Variants in RTN1 observed in about 807,000 individuals in gnomAD.
RTN1 encodes the protein reticulon 1, also known as reticulon-1.
Under a neutral mutation model 65.5 loss-of-function variants are expected in RTN1, and 25 were observed. That is an observed-to-expected ratio of 0.38 (90% CI 0.28 to 0.53). The LOEUF is 0.53. RTN1 is among the 20% of genes least tolerant of loss of function. The pLI is 0.79. For missense variants in RTN1, 983 were observed against 1,025.4 expected (o/e 0.96, Z 0.57); for synonymous variants, 471 against 447.6 (o/e 1.05, Z -0.66).
intron 3 of RTN1, among the ~76,000 whole-genome samples, chr14:59,643,898 AAAAT>A (rs1882835355): frequency 1.3e-5 from 2 of 152,078 alleles, no homozygotes; most frequent in South Asian, 4.2e-4. Context: ...TCAAGAAAAA[AAAAT>A]AAAAACTTAC....
chr14:59,792,825 G>T (rs1345697525), intron 1 of RTN1, among the ~76,000 whole-genome samples: 1 of 152,108 alleles, frequency 6.6e-6, no homozygotes, highest in East Asian at 1.9e-4. Context: ...AGGAGTTCTA[G>T]TAAATATTTT....
Position 59,596,703 on chromosome 14 carries a change from C to T in RTN1, c.*42G>A, listed in dbSNP as rs1390178326. 2.0e-6 allele frequency: 3 copies of T among 1,472,002 alleles called. No homozygotes were observed. The highest frequency in any genetic ancestry group is 2.3e-5 in the South Asian group (2 of 88,088). 91.2% of individuals were successfully genotyped at this position (1,472,002 alleles called of 1,614,324 possible). ...AGTAAGAAGAGAGCTGTTACCACTC[C>T]AGACATTCCTGTTTGTGTCCAGTCC... On this transcript the variant is annotated 3_prime_UTR_variant, in exon 9 of 9. Coordinates refer to ENST00000267484, the MANE Select transcript of RTN1 (RefSeq NM_021136.3).
At chr14:59,752,420 A>G (rs553866327) in intron 1 of RTN1, among the ~76,000 whole-genome samples, 7 of 152,230 alleles carry the variant, frequency 4.6e-5, no homozygotes, top group African/African-American at 1.7e-4. Context: ...CTTGTAGCTT[A>G]ATCACCTCCC....
chr14:59,641,771 T>C (rs537626264), intron 3 of RTN1, among the ~76,000 whole-genome samples: 2 of 152,224 alleles, frequency 1.3e-5, no homozygotes, highest in Non-Finnish European at 2.9e-5. Flanking sequence ...TCTTGTACAA[T>C]ACAAGTTTCT....
In RTN1 at chr14:59,664,270, G is replaced by A. The variant is rs79718324; in HGVS notation, c.1766-56778C>T. On this transcript the variant is annotated intron_variant, in intron 3 of 8. Transcript: ENST00000267484. The stretch of plus-strand genomic sequence containing the variant: ...CTCATAAGTGGGAGTTGAACGATGA[G>A]AACACATGGACACAGGGAGGGGAAC... Among the ~76,000 whole-genome samples the A allele has an allele frequency of 2.8e-3, 429 of 152,180 alleles. 2 individuals are homozygous for A. Among genetic ancestry groups the A allele is most frequent in the African/African-American group, 9.2e-3 (383 of 41,522 alleles).
intron 1 of RTN1, among the ~76,000 whole-genome samples, chr14:59,837,271 AC>A (rs1442405801): frequency 2.6e-5 from 4 of 152,262 alleles, no homozygotes; most frequent in Admixed American, 6.5e-5. Flanking sequence ...TTTGAAAAAA[AC>A]ATGGGTTTCT....
chr14:59,823,427 G>A (rs934093046), intron 1 of RTN1, among the ~76,000 whole-genome samples: 1 of 151,914 alleles, frequency 6.6e-6, no homozygotes, highest in African/African-American at 2.4e-5. Flanking sequence ...TTTTTGTGGT[G>A]GTAGATATCA....
chr14:59,711,549 A>G (rs908769921), intron 3 of RTN1, among the ~76,000 whole-genome samples: 3 of 152,250 alleles, frequency 2.0e-5, no homozygotes, highest in African/African-American at 7.2e-5. Flanking sequence ...GACATAAAAT[A>G]AAATCCCACA....
At chr14:59,799,033 T>A (rs1011327493) in intron 1 of RTN1, among the ~76,000 whole-genome samples, 1 of 152,234 alleles carries the variant, frequency 6.6e-6, no homozygotes, top group Non-Finnish European at 1.5e-5. Flanking sequence ...AAAAGTGTAT[T>A]AATTCATTTC....
chr14:59,800,341 G>T (rs770682719), intron 1 of RTN1, among the ~76,000 whole-genome samples: 14 of 152,116 alleles, frequency 9.2e-5, no homozygotes, highest in Admixed American at 2.6e-4. Context: ...ATTATTTTTT[G>T]ATGTTTGGCA....
At chr14:59,866,395 G>A (rs1238324609) in intron 1 of RTN1, among the ~76,000 whole-genome samples, 1 of 152,112 alleles carries the variant, frequency 6.6e-6, no homozygotes, top group Non-Finnish European at 1.5e-5. Flanking sequence ...CTCAGAATCA[G>A]AAGTAAAAAA....
chr14:59,698,623 T>C (rs1197385592), intron 3 of RTN1, among the ~76,000 whole-genome samples: 2 of 152,186 alleles, frequency 1.3e-5, no homozygotes, highest in Non-Finnish European at 2.9e-5. Context: ...CTGCCATCCA[T>C]GTAAGACGTG....
Position 59,803,235 on chromosome 14 carries a change from C to T in RTN1, c.242-56754G>A, listed in dbSNP as rs894506478. Among the ~76,000 whole-genome samples the T allele has an allele frequency of 2.0e-5, 3 of 152,164 alleles. No individual in the cohort carries two copies. In the East Asian group the frequency reaches 5.8e-4, roughly 29 times the overall value. Reference sequence around the variant, plus strand: ...AGACAGGGAGAGTTGGTTCCGTACACAACACCGAGCTGCGTATGACTTGCC... The same window carrying T: ...AGACAGGGAGAGTTGGTTCCGTACATAACACCGAGCTGCGTATGACTTGCC... On this transcript the variant is annotated intron_variant, in intron 1 of 8. Transcript: ENST00000267484. This position sits in a 1 kb window ranked among gnomAD's most constrained non-coding sequence, Gnocchi z 5.6.
intron 1 of RTN1, among the ~76,000 whole-genome samples, chr14:59,754,477 T>G (rs1476797525): frequency 1.3e-5 from 2 of 152,156 alleles, no homozygotes; most frequent in Non-Finnish European, 2.9e-5. Context: ...GATCCATAGC[T>G]TAGGCAGTTT....
At chr14:59,629,279 G>A (rs1190613408) in intron 3 of RTN1, among the ~76,000 whole-genome samples, 1 of 152,172 alleles carries the variant, frequency 6.6e-6, no homozygotes, top group Non-Finnish European at 1.5e-5. Flanking sequence ...CAACAAACAA[G>A]AGGCAAGGTA....
chr14:59,857,388 T>C (rs996248145), intron 1 of RTN1, among the ~76,000 whole-genome samples: 15 of 152,224 alleles, frequency 9.9e-5, no homozygotes, highest in African/African-American at 3.6e-4. Context: ...GGCTTGTCAT[T>C]ATTTCAAGCC....
chr14:59,845,046 C>A (rs947103514), intron 1 of RTN1, among the ~76,000 whole-genome samples: 3 of 152,150 alleles, frequency 2.0e-5, no homozygotes, highest in Admixed American at 2.0e-4. Flanking sequence ...AAAGTAAAAT[C>A]TATAACCAAA....
intron 1 of RTN1, among the ~76,000 whole-genome samples, chr14:59,852,932 CT>C (rs1324107176): frequency 2.6e-5 from 4 of 152,166 alleles, no homozygotes; most frequent in African/African-American, 4.8e-5. Context: ...ATCTATCCAA[CT>C]TCATACTTTG....
intron 3 of RTN1, among the ~76,000 whole-genome samples, chr14:59,651,046 A>G (rs998712674): frequency 6.6e-6 from 1 of 152,112 alleles, no homozygotes; most frequent in Admixed American, 6.6e-5. Flanking sequence ...TTAATAATTC[A>G]TATGGAACCA....
Sources: allele counts gnomAD v4.1 joint callset (sites outside exome capture counted in the v4.1 genomes callset), GRCh38; gene constraint gnomAD v4.1.1; non-coding constraint Gnocchi (gnomAD v3.1); transcripts MANE v1.5; gene names NCBI Gene and HGNC (gene_info 2026-07-23, HGNC 2026-07-21).